SBF2: variants seen among roughly 807,000 people sequenced by gnomAD.
SBF2 encodes the protein myotubularin-related protein 13.
SBF2 carries 112 observed loss-of-function variants against 225.2 expected under a neutral mutation model. The observed-to-expected ratio is 0.50, with a 90% CI of 0.43 to 0.58. The LOEUF is 0.58. Among genes scored for constraint, SBF2 ranks in the 20% least tolerant of loss-of-function variants. The probability of loss-of-function intolerance (pLI) is 0.00; values close to 1 mark genes in which losing one functional copy is unlikely to be tolerated. For missense variants in SBF2, 1,996 were observed against 2,206.2 expected, an observed-to-expected ratio of 0.90 and a Z score of 1.91; for synonymous variants, 763 against 773.3, an observed-to-expected ratio of 0.99 and a Z score of 0.22.
intron 6 of SBF2, among the ~76,000 whole-genome samples, chr11:10,018,271 C>A (rs1390008650): frequency 6.6e-6 from 1 of 151,986 alleles, no homozygotes; most frequent in Non-Finnish European, 1.5e-5. Flanking sequence ...AAATATGAGA[C>A]AGGCTCTTAG....
chr11:10,090,235 A>C (rs1951722114), intron 2 of SBF2, among the ~76,000 whole-genome samples: 1 of 152,212 alleles, frequency 6.6e-6, no homozygotes, highest in Admixed American at 6.5e-5. Context: ...GGGCTGATTA[A>C]AAGTTCTGGG....
intron 2 of SBF2, among the ~76,000 whole-genome samples, chr11:10,127,990 G>A (rs1317610551): frequency 6.6e-6 from 1 of 152,122 alleles, no homozygotes; most frequent in East Asian, 1.9e-4. Flanking sequence ...CATTATGTGA[G>A]CATTAAATAA....
chr11:9,796,071 C>A lies in SBF2; in HGVS notation c.4444-114G>T, dbSNP rs1312906213. 19 of 1,026,826 alleles carry A rather than the reference C, an allele frequency of 1.9e-5. No individual in the cohort carries two copies. The Admixed American group carries it at 3.4e-4, about 19-fold the overall frequency. 63.6% of individuals were successfully genotyped at this position (1,026,826 alleles called of 1,614,324 possible). On this transcript the variant is annotated intron_variant, in intron 32 of 39. Coordinates refer to ENST00000256190, the MANE Select transcript of SBF2 (RefSeq NM_030962.4). ...GGAGACCATTCAGTCATTCACTCAA[C>A]AAATACCTGAATCCCTACCATAAGT... is the stretch of plus-strand genomic sequence containing the variant.
intron 9 of SBF2, among the ~76,000 whole-genome samples, chr11:9,995,672 CAG>C (rs1270507000): frequency 1.4e-5 from 2 of 147,300 alleles, no homozygotes; most frequent in African/African-American, 2.5e-5. Context: ...TATTTTGAGA[CAG>C]AGTTTTGCTG....
At chr11:9,949,459 A>G (rs887925968) in intron 16 of SBF2, among the ~76,000 whole-genome samples, 1 of 152,180 alleles carries the variant, frequency 6.6e-6, no homozygotes, top group East Asian at 1.9e-4. Flanking sequence ...CAAACATGGA[A>G]GCTCTTTTCT....
chr11:10,185,722 G>C, intron 2 of SBF2, among the ~76,000 whole-genome samples: 1 of 150,270 alleles, frequency 6.7e-6, no homozygotes, highest in South Asian at 2.1e-4. Context: ...GCATCTTTTC[G>C]TGTGCTTGTA....
chr11:10,272,266 G>C, intron 1 of SBF2: 1 of 1,133,924 alleles, frequency 8.8e-7, no homozygotes, highest in Non-Finnish European at 1.2e-6. Flanking sequence ...ACATGGCGGC[G>C]GCGCTGGGCT....
rs138482286 is a variant in SBF2 at position 9,941,759 on chromosome 11, T to C, written c.1860+20198A>G. ...ACTTACTGTCACTTCTATTTAATGTTATACTATAGGTCCTTGCCAGAAAAT... is the reference window on the plus strand; with the variant it reads ...ACTTACTGTCACTTCTATTTAATGTCATACTATAGGTCCTTGCCAGAAAAT... On this transcript the variant is annotated intron_variant, in intron 16 of 39. Transcript: ENST00000256190. 5.7e-3 allele frequency among the ~76,000 whole-genome samples: 870 copies of C among 152,202 alleles called. 4 individuals are homozygous for C. The highest frequency in any genetic ancestry group is 0.01 in the Middle Eastern group (3 of 294).
chr11:10,036,818 T>C (rs370840426), intron 3 of SBF2, among the ~76,000 whole-genome samples: 2 of 152,238 alleles, frequency 1.3e-5, no homozygotes, highest in East Asian at 1.9e-4. Flanking sequence ...AACTGTCAAT[T>C]TGAAAAGATG....
chr11:9,798,927 G>C (rs887793184), intron 32 of SBF2, among the ~76,000 whole-genome samples: 8 of 145,350 alleles, frequency 5.5e-5, no homozygotes, highest in African/African-American at 1.3e-4. Flanking sequence ...ACTCCAGCCT[G>C]GGCAACAGAG....
At chr11:10,095,836 C>T (rs1036276151) in intron 2 of SBF2, among the ~76,000 whole-genome samples, 3 of 152,116 alleles carry the variant, frequency 2.0e-5, no homozygotes, top group African/African-American at 7.2e-5. Context: ...TTGTATTACA[C>T]AGTTGAGCAA....
chr11:10,055,972 A>G (rs1950244592), intron 2 of SBF2, among the ~76,000 whole-genome samples: 1 of 152,224 alleles, frequency 6.6e-6, no homozygotes, highest in South Asian at 2.1e-4. Flanking sequence ...AATTTCAAGA[A>G]GAAAATTAAA....
chr11:10,058,850 A>C (rs1441255765), intron 2 of SBF2, among the ~76,000 whole-genome samples: 1 of 152,202 alleles, frequency 6.6e-6, no homozygotes, highest in East Asian at 1.9e-4. Context: ...TTGGGGGCCT[A>C]TATTCAACAT....
In SBF2 at chr11:9,839,554, T is replaced by C; in HGVS notation, c.3399A>G (p.Ser1133=). The C allele has an allele frequency of 6.2e-7, 1 of 1,614,184 alleles. No individual in the cohort carries two copies. ...CAGTAATTCTAAAATACTCGGGTCT[T>C]GAACGGGAAGAGCTGCCACTTATGG... ...LGTISGSSSR[S]RPEYFRITAS... is the part of the protein sequence containing the mutation. Residue 1133 remains serine (S), a synonymous_variant, in exon 26 of 40, where the codon TCA becomes TCG. Transcript: ENST00000256190.
intron 1 of SBF2, among the ~76,000 whole-genome samples, chr11:10,267,150 A>C (rs1296897797): frequency 2.0e-5 from 3 of 152,332 alleles, no homozygotes; most frequent in Non-Finnish European, 4.4e-5. Flanking sequence ...GAAGGGGGCT[A>C]TCTCTTCTTC....
intron 1 of SBF2, among the ~76,000 whole-genome samples, chr11:10,285,131 G>A (rs1055067819): frequency 1.1e-4 from 17 of 152,046 alleles, no homozygotes; most frequent in African/African-American, 3.9e-4. Context: ...GTAACATGGT[G>A]AAACCCCATC....
intron 3 of SBF2, among the ~76,000 whole-genome samples, chr11:10,035,678 G>A (rs192293911): frequency 1.8e-4 from 28 of 152,266 alleles, no homozygotes; most frequent in African/African-American, 6.0e-4. Context: ...CATCATCACT[G>A]GTCATCAGAG....
At chr11:9,967,321 G>A (rs193098818) in intron 14 of SBF2, among the ~76,000 whole-genome samples, 5 of 150,664 alleles carry the variant, frequency 3.3e-5, no homozygotes, top group South Asian at 2.1e-4. Flanking sequence ...GCAGTGAGCC[G>A]AGATTGCTCC....
At chr11:10,121,979 A>T (rs558618037) in intron 2 of SBF2, among the ~76,000 whole-genome samples, 2 of 152,308 alleles carry the variant, frequency 1.3e-5, no homozygotes, top group South Asian at 4.1e-4. Context: ...GTTTGTGTTC[A>T]AGTAACCCTT....
Sources: allele counts gnomAD v4.1 joint callset (sites outside exome capture counted in the v4.1 genomes callset), GRCh38; gene constraint gnomAD v4.1.1; transcripts MANE v1.5; gene names NCBI Gene and HGNC (gene_info 2026-07-23, HGNC 2026-07-21).